Variants in SAMSN1 observed in about 807,000 individuals in gnomAD.
SAMSN1 encodes the protein SAM domain, SH3 domain and nuclear localization signals 1.
Under a neutral mutation model 42.0 loss-of-function variants are expected in SAMSN1, and 31 were observed. The ratio of observed to expected loss-of-function variants is 0.74; its 90% CI spans 0.55 to 1.00. The LOEUF (loss-of-function observed/expected upper bound fraction) is 1.00, where lower values mean the gene tolerates loss of function less well. SAMSN1 is among the 50% of genes least tolerant of loss of function. The probability of loss-of-function intolerance (pLI) is 0.00; values close to 1 mark genes in which losing one functional copy is unlikely to be tolerated. For synonymous variants in SAMSN1, 178 were observed against 151.9 expected (o/e 1.17, Z -1.26); for missense variants, 464 against 439.4 (o/e 1.06, Z -0.50).
At chr21:14,507,714 G>A (rs187204698) in intron 5 of SAMSN1, among the ~76,000 whole-genome samples, 109 of 152,118 alleles carry the variant, frequency 7.2e-4, no homozygotes, top group Middle Eastern at 3.4e-3. Flanking sequence ...AAATTCATAT[G>A]GAACCAAAAA....
At chr21:14,649,967 G>A (rs1325889944) in intron 1 of SAMSN1, among the ~76,000 whole-genome samples, 1 of 152,084 alleles carries the variant, frequency 6.6e-6, no homozygotes, top group Non-Finnish European at 1.5e-5. Context: ...TAATGATAAA[G>A]GGATCAATTC....
chr21:14,612,462 T>C (rs1166763221), intron 4 of SAMSN1: 8 of 289,614 alleles, frequency 2.8e-5, no homozygotes, highest in Non-Finnish European at 1.5e-5. Context: ...AAAGAGAAGA[T>C]TTGGTGTGTG....
rs974291910 is a variant in SAMSN1 at position 14,609,469 on chromosome 21, A to G, written c.322+13T>C. The G allele has an allele frequency of 1.8e-5, 13 of 717,698 alleles. No individual in the cohort carries two copies. In the African/African-American group the frequency reaches 1.9e-4, roughly 11 times the overall value. 44.5% of individuals were successfully genotyped at this position (717,698 alleles called of 1,614,324 possible). A position where few individuals can be genotyped will look rare whatever the true frequency, so the allele number is the denominator to read the frequency against. The stretch of plus-strand genomic sequence containing the variant: ...GAAAATGCAAAGTCAGCTGAACTAA[A>G]TTTAGCAATTACCTTTTAGCTGACA... On this transcript the variant is annotated intron_variant, in intron 5 of 15. Transcript: ENST00000647101.
intron 2 of SAMSN1, among the ~76,000 whole-genome samples, chr21:14,565,780 A>G (rs1215312592): frequency 6.6e-6 from 1 of 152,186 alleles, no homozygotes; most frequent in Non-Finnish European, 1.5e-5. Context: ...CATGCTACAT[A>G]AACTTCTCAA....
chr21:14,577,284 A>ATATATATATATTTTT (rs1460040142), intron 2 of SAMSN1, among the ~76,000 whole-genome samples: 1 of 53,862 alleles, frequency 1.9e-5, no homozygotes, highest in South Asian at 6.3e-4. Context: ...ATATATATAT[A>ATATATATATATTTTT]TTTTTTTTTT....
At chr21:14,539,040 A>G (rs1199089640) in intron 1 of SAMSN1, among the ~76,000 whole-genome samples, 2 of 152,176 alleles carry the variant, frequency 1.3e-5, no homozygotes, top group African/African-American at 4.8e-5. Context: ...TGTGGGATCC[A>G]TGTCTTTCTA....
chr21:14,503,449 AG>A (rs1987263350), intron 5 of SAMSN1, among the ~76,000 whole-genome samples: 1 of 152,196 alleles, frequency 6.6e-6, no homozygotes, highest in Non-Finnish European at 1.5e-5. Context: ...CCTGAGCCTC[AG>A]GTGAGATCAC....
At chr21:14,613,642 A>G (rs1281671784) in intron 3 of SAMSN1, among the ~76,000 whole-genome samples, 1 of 152,154 alleles carries the variant, frequency 6.6e-6, no homozygotes, top group Non-Finnish European at 1.5e-5. Context: ...TTTTTAATGC[A>G]AAATGGTTAG....
At chr21:14,634,951 G>A (rs540555575) in intron 2 of SAMSN1, among the ~76,000 whole-genome samples, 1 of 152,316 alleles carries the variant, frequency 6.6e-6, no homozygotes, top group Admixed American at 6.5e-5. Context: ...ATCAATGATA[G>A]ACTGGAAAAG....
At chr21:14,641,314 C>T (rs1346290832) in intron 2 of SAMSN1, among the ~76,000 whole-genome samples, 2 of 152,084 alleles carry the variant, frequency 1.3e-5, no homozygotes, top group Non-Finnish European at 2.9e-5. Flanking sequence ...AACTTGCTTT[C>T]TAACATTGCT....
chr21:14,653,032 A>C (rs1983860931), intron 1 of SAMSN1, among the ~76,000 whole-genome samples: 1 of 152,076 alleles, frequency 6.6e-6, no homozygotes. Flanking sequence ...AAACACAGGC[A>C]CTAGTAAATG....
chr21:14,499,139 AG>A (rs1360264487), intron 6 of SAMSN1, among the ~76,000 whole-genome samples: 4 of 152,192 alleles, frequency 2.6e-5, no homozygotes, highest in Non-Finnish European at 5.9e-5. Context: ...GTAAACCAAA[AG>A]AATTGGAGAC....
At position 14,613,030 on chromosome 21, in the gene SAMSN1, C is replaced by T. The variant is rs1265611830; in HGVS notation, c.198-117G>A. 9.8e-5 allele frequency: 53 copies of T among 539,738 alleles called. No homozygotes were observed. In the South Asian group the frequency reaches 1.1e-3, roughly 11 times the overall value. 33.4% of individuals were successfully genotyped at this position (539,738 alleles called of 1,614,324 possible). A position where few individuals can be genotyped will look rare whatever the true frequency, so the allele number is the denominator to read the frequency against. On this transcript the variant is annotated intron_variant, in intron 3 of 15. Coordinates refer to the SAMSN1 transcript ENST00000647101. ...AACAGAAATAAATTCTACCTCTAAC[C>T]GAGGTCTACCTATGGTCTTGAATTT...
chr21:14,577,649 T>C (rs1418359541), intron 2 of SAMSN1, among the ~76,000 whole-genome samples: 1 of 152,100 alleles, frequency 6.6e-6, no homozygotes, highest in Non-Finnish European at 1.5e-5. Flanking sequence ...TAAGTACTCT[T>C]CAGTTATTCT....
At chr21:14,566,377 C>A (rs1165126057) in intron 2 of SAMSN1, among the ~76,000 whole-genome samples, 2 of 152,096 alleles carry the variant, frequency 1.3e-5, no homozygotes, top group Non-Finnish European at 2.9e-5. Context: ...TTTCATTTCC[C>A]ACAATCTATT....
intron 1 of SAMSN1, among the ~76,000 whole-genome samples, chr21:14,539,323 T>G (rs1350311594): frequency 1.3e-5 from 2 of 152,152 alleles, no homozygotes; most frequent in East Asian, 3.8e-4. Flanking sequence ...AAATAAAGGG[T>G]ATTCAATTAA....
chr21:14,500,396 C>T (rs539458765), intron 6 of SAMSN1, 133 bp downstream of exon 6: 1 of 704,506 alleles, frequency 1.4e-6, no homozygotes, highest in African/African-American at 1.8e-5. Context: ...AATAAGAGCT[C>T]TTCTAGGAAA....
intron 2 of SAMSN1, among the ~76,000 whole-genome samples, chr21:14,569,633 G>T (rs1318529057): frequency 6.6e-6 from 1 of 152,016 alleles, no homozygotes; most frequent in Non-Finnish European, 1.5e-5. Flanking sequence ...TATTGATTCT[G>T]CAAATGTGAA....
At chr21:14,526,470 T>C (rs2822737) in intron 1 of SAMSN1, among the ~76,000 whole-genome samples, 76,817 of 151,978 alleles carry the variant, frequency 0.51, 19,818 homozygotes, top group East Asian at 0.72. Context: ...TTCTATGCAA[T>C]CTAATGAGTA....
Sources: gnomAD v4.1 joint callset for allele counts (sites outside exome capture counted in the v4.1 genomes callset) on GRCh38, gnomAD v4.1.1 for gene constraint, MANE v1.5 for transcripts, NCBI Gene and HGNC (gene_info 2026-07-23, HGNC 2026-07-21) for gene names.